Variants in CNOT1 observed in about 807,000 individuals in gnomAD.
CNOT1 encodes CCR4-NOT transcription complex subunit 1, also known as CCR4-associated factor 1.
A neutral mutation model predicts 273.8 loss-of-function variants in CNOT1; 15 were observed. That is an observed-to-expected ratio of 0.05 (90% CI 0.04 to 0.08). CNOT1 has a LOEUF of 0.08. CNOT1 is among the 10% of genes least tolerant of loss of function. CNOT1 has a pLI of 1.00. For missense variants in CNOT1, 1,644 were observed against 2,912.2 expected, an observed-to-expected ratio of 0.56 and a Z score of 10.02; for synonymous variants, 1,022 against 1,005.5, an observed-to-expected ratio of 1.02 and a Z score of -0.31.
chr16:58,528,425 G>T, intron 44 of CNOT1, 50 bp downstream of exon 44: 1 of 1,316,810 alleles, frequency 7.6e-7, no homozygotes, highest in Non-Finnish European at 1.1e-6. Context: ...ATCAGAGAAA[G>T]GACTGAAATA....
At chr16:58,604,752 G>A (rs561735423) in intron 1 of CNOT1, among the ~76,000 whole-genome samples, 194 of 146,770 alleles carry the variant, frequency 1.3e-3, no homozygotes, top group African/African-American at 4.6e-3. Flanking sequence ...GGCCAAGATC[G>A]TGCCATTGCA....
intron 3 of CNOT1, among the ~76,000 whole-genome samples, chr16:58,588,393 A>T (rs1408220075): frequency 6.6e-6 from 1 of 152,210 alleles, no homozygotes; most frequent in African/African-American, 2.4e-5. Context: ...CTCAAAGTCT[A>T]TTAGCAGCAA....
chr16:58,588,018 G>A lies in CNOT1; in HGVS notation c.211-140C>T, dbSNP rs897830660. ...TCAAAATCGGCTCTTTAAAAATCTC[G>A]CCAGGTGCGGTGGTTGACAACCGTA... On this transcript the variant is annotated intron_variant, in intron 3 of 48. Transcript: ENST00000317147. The A allele has an allele frequency of 3.5e-5, 31 of 873,898 alleles. No homozygotes were observed. In the Admixed American group the frequency reaches 6.1e-4, roughly 17 times the overall value. 54.1% of individuals were successfully genotyped at this position (873,898 alleles called of 1,614,324 possible). A position where few individuals can be genotyped will look rare whatever the true frequency, so the allele number is the denominator to read the frequency against.
At chr16:58,593,450 T>C (rs1188886188) in intron 2 of CNOT1, among the ~76,000 whole-genome samples, 2 of 151,964 alleles carry the variant, frequency 1.3e-5, no homozygotes, top group Non-Finnish European at 2.9e-5. Flanking sequence ...TCCCAGCTAC[T>C]TGGGAGGCTG....
At chr16:58,586,172 A>T (rs181818987) in intron 7 of CNOT1, among the ~76,000 whole-genome samples, 1 of 134,716 alleles carries the variant, frequency 7.4e-6, no homozygotes, top group South Asian at 2.6e-4. Flanking sequence ...TGATCTTCCC[A>T]AAGTGCTGGG....
chr16:58,619,676 G>A (rs1242702532), intron 1 of CNOT1, among the ~76,000 whole-genome samples: 7 of 151,922 alleles, frequency 4.6e-5, no homozygotes, highest in Admixed American at 6.6e-5. Context: ...TGCCCACCTC[G>A]GCCTCCCAAA....
chr16:58,535,228 C>T (rs2039889105), intron 39 of CNOT1, among the ~76,000 whole-genome samples: 2 of 152,068 alleles, frequency 1.3e-5, no homozygotes, highest in South Asian at 4.1e-4. Flanking sequence ...TTTGAAACAA[C>T]TTAACTGTTC....
intron 1 of CNOT1, among the ~76,000 whole-genome samples, chr16:58,607,721 C>CAAAAAAAAAAAAAAAAAAAAAA (rs71385179): frequency 3.0e-5 from 2 of 67,160 alleles, no homozygotes; most frequent in African/African-American, 1.2e-4. Flanking sequence ...CAGCAAAACT[C>CAAAAAAAAAAAAAAAAAAAAAA]AAAAAAAAAA....
In CNOT1 at chr16:58,542,646, G is replaced by A. The variant is rs2040127040; in HGVS notation, c.4435-78C>T. On this transcript the variant is annotated intron_variant, in intron 31 of 48. Transcript: ENST00000317147. ...AAAGTTGATGTGGACAGACAGGATA[G>A]TAGAAAATGCAGTGCATTTGGCAAA... 3 of 1,550,254 alleles carry A rather than the reference G, an allele frequency of 1.9e-6. No homozygotes were observed. In the African/African-American group the frequency reaches 4.1e-5, roughly 21 times the overall value.
intron 23 of CNOT1, 22 bp downstream of exon 23, chr16:58,551,567 G>A (rs1249474905): frequency 1.2e-6 from 2 of 1,601,948 alleles, no homozygotes; most frequent in East Asian, 2.2e-5. Flanking sequence ...TCCTGGAAGA[G>A]AAAAAAGATA....
At chr16:58,598,523 C>T (rs1037177908) in intron 2 of CNOT1, among the ~76,000 whole-genome samples, 2 of 151,154 alleles carry the variant, frequency 1.3e-5, no homozygotes, top group East Asian at 2.0e-4. Flanking sequence ...GAGCTGAGAT[C>T]GCGTCACTGC....
chr16:58,572,442 C>G (rs111813716), intron 16 of CNOT1, among the ~76,000 whole-genome samples: 1 of 152,040 alleles, frequency 6.6e-6, no homozygotes, highest in South Asian at 2.1e-4. Flanking sequence ...CAACACTAGC[C>G]TGGGCAAGAC....
rs1192900655 is a variant in CNOT1 at position 58,615,191 on chromosome 16, T to A, written c.-175+14537A>T. Among the ~76,000 whole-genome samples the A allele has an allele frequency of 3.2e-5, 4 of 124,854 alleles. 1 individual carries two copies. The highest frequency in any genetic ancestry group is 1.1e-4 in the African/African-American group (4 of 37,034). The allele number at this position is 124,854 out of a possible 152,430, so 81.9% of individuals were successfully genotyped here. A position where few individuals can be genotyped will look rare whatever the true frequency, so the allele number is the denominator to read the frequency against. On this transcript the variant is annotated intron_variant, in intron 1 of 48. Transcript: ENST00000317147. Reference sequence around the variant, plus strand: ...TCCTGTCTAGCACATGGAGAATCCATTTCAGAATTTTGAATCTTATCACAA... The same window carrying A: ...TCCTGTCTAGCACATGGAGAATCCAATTCAGAATTTTGAATCTTATCACAA...
At chr16:58,580,453 C>T (rs920689994) in intron 12 of CNOT1, among the ~76,000 whole-genome samples, 180 bp downstream of exon 12, 1 of 152,028 alleles carries the variant, frequency 6.6e-6, no homozygotes, top group Non-Finnish European at 1.5e-5. Context: ...ATATAACTAA[C>T]GATAGAGACT....
In CNOT1 at chr16:58,530,233, C is replaced by T; in HGVS notation, c.6279+13G>A. On this transcript the variant is annotated intron_variant, in intron 43 of 48. Coordinates refer to ENST00000317147, the MANE Select transcript of CNOT1 (RefSeq NM_016284.5). Reference sequence around the variant, plus strand: ...TCAGTTATTTTAATTTATAATAAATCCAAGTTAATTACCTTGTAGAGGATT... The same window carrying T: ...TCAGTTATTTTAATTTATAATAAATTCAAGTTAATTACCTTGTAGAGGATT... 1 of 1,557,002 alleles carries T rather than the reference C, an allele frequency of 6.4e-7. No homozygotes were observed. The highest frequency in any genetic ancestry group is 8.8e-7 in the Non-Finnish European group (1 of 1,139,706).
At chr16:58,616,668 G>GT (rs1271511121) in intron 1 of CNOT1, among the ~76,000 whole-genome samples, 1 of 151,984 alleles carries the variant, frequency 6.6e-6, no homozygotes, top group East Asian at 1.9e-4. Flanking sequence ...CTTATTTCAG[G>GT]TTGGTTTGCT....
At chr16:58,527,037 T>C (rs999891994) in intron 44 of CNOT1, among the ~76,000 whole-genome samples, 1 of 151,676 alleles carries the variant, frequency 6.6e-6, no homozygotes, top group Non-Finnish European at 1.5e-5. Flanking sequence ...ACGAGACCCC[T>C]GTCTCTTAAA....
chr16:58,566,701 T>G (rs2151951655), intron 16 of CNOT1, among the ~76,000 whole-genome samples: 2 of 152,348 alleles, frequency 1.3e-5, no homozygotes, highest in Admixed American at 1.3e-4. Flanking sequence ...AGTTTCACTC[T>G]TGTTGCCCAG....
At chr16:58,534,023 C>CT in intron 40 of CNOT1, 124 bp downstream of exon 40, 1 of 1,150,556 alleles carries the variant, frequency 8.7e-7, no homozygotes, top group Non-Finnish European at 1.1e-6. Flanking sequence ...TTCGGAGGCA[C>CT]TCCAGCCTGG....
Sources: gnomAD v4.1 joint callset for allele counts (sites outside exome capture counted in the v4.1 genomes callset) on GRCh38, gnomAD v4.1.1 for gene constraint, MANE v1.5 for transcripts, NCBI Gene and HGNC (gene_info 2026-07-23, HGNC 2026-07-21) for gene names.